The following DNAH1 variants were observed in gnomAD, a reference collection of about 807,000 sequenced individuals.
DNAH1 encodes the protein dynein axonemal heavy chain 1.
Under a neutral mutation model 484.3 loss-of-function variants are expected in DNAH1, and 327 were observed. The ratio of observed to expected loss-of-function variants is 0.68; its 90% CI spans 0.62 to 0.74. The LOEUF (loss-of-function observed/expected upper bound fraction) is 0.74. Ranked by LOEUF, DNAH1 falls within the 30% of genes least tolerant of loss-of-function variation. The probability of loss-of-function intolerance (pLI) is 0.00; values close to 1 mark genes in which losing one functional copy is unlikely to be tolerated. For synonymous variants in DNAH1, 2,192 were observed against 2,191.9 expected, an observed-to-expected ratio of 1.00 and a Z score of 0.00; for missense variants, 5,052 against 5,546.8, an observed-to-expected ratio of 0.91 and a Z score of 2.83.
At chr3:52,328,063 G>A (rs932319521) in intron 6 of DNAH1, 49 bp downstream of exon 6, 5 of 1,595,846 alleles carry the variant, frequency 3.1e-6, no homozygotes, top group Non-Finnish European at 4.3e-6. Context: ...TCCAGTAGCA[G>A]CCCTGTCACA....
intron 56 of DNAH1, 139 bp downstream of exon 56, chr3:52,386,992 T>C: frequency 1.1e-6 from 1 of 929,280 alleles, no homozygotes; most frequent in South Asian, 1.8e-5. Context: ...TCTGTCCACC[T>C]CCACACCACC....
At position 52,395,489 on chromosome 3, in the gene DNAH1, G is replaced by A; in HGVS notation, c.11127+23G>A. 3.7e-6 allele frequency: 6 copies of A among 1,613,726 alleles called. No individual in the cohort carries two copies. The highest frequency in any genetic ancestry group is 5.1e-6 in the Non-Finnish European group (6 of 1,179,814). Reference sequence around the variant, plus strand: ...CAGGTCAGGGCTAGGCAGGGAGGAAGGGAGTGGGCTGGGGGGTGGGCAAGC... The same window carrying A: ...CAGGTCAGGGCTAGGCAGGGAGGAAAGGAGTGGGCTGGGGGGTGGGCAAGC... On this transcript the variant is annotated intron_variant, in intron 69 of 77. Coordinates refer to ENST00000420323, the MANE Select transcript of DNAH1 (RefSeq NM_015512.5). This position sits in a 1 kb window ranked among gnomAD's most constrained non-coding sequence, Gnocchi z 4.4.
rs181041944 is a variant in DNAH1 at position 52,347,810 on chromosome 3, G to A, written c.1956-14G>A. 4.5e-4 allele frequency: 706 copies of A among 1,564,800 alleles called. 7 individuals carry two copies. In the South Asian group the frequency reaches 5.3e-3, roughly 12 times the overall value. On this transcript the variant is annotated splice_polypyrimidine_tract_variant and intron_variant, in intron 11 of 77. Coordinates refer to ENST00000420323, the MANE Select transcript of DNAH1 (RefSeq NM_015512.5). ...CTAGGCCTCTGCCCACAGTCAGCTCGCCATTGCCTGCAGGCCCCGGAAGAA... is the reference window on the plus strand; with the variant it reads ...CTAGGCCTCTGCCCACAGTCAGCTCACCATTGCCTGCAGGCCCCGGAAGAA...
intron 73 of DNAH1, 102 bp downstream of exon 73, chr3:52,397,146 C>A: frequency 1.8e-6 from 2 of 1,081,942 alleles, no homozygotes; most frequent in Non-Finnish European, 1.3e-6. Flanking sequence ...GCAGCCCCCA[C>A]CCTCCATCAG....
chr3:52,384,742 CT>C (rs1704020898), intron 52 of DNAH1, 43 bp from the exon 53 acceptor site: 1 of 1,519,416 alleles, frequency 6.6e-7, no homozygotes, highest in South Asian at 1.3e-5. Context: ...CCTGTCTTTC[CT>C]GGGGCCTCTA....
At chr3:52,335,115 T>TC (rs548621009) in intron 8 of DNAH1, among the ~76,000 whole-genome samples, 111 of 148,998 alleles carry the variant, frequency 7.4e-4, no homozygotes, top group African/African-American at 2.7e-3. Context: ...TGTGTGATTT[T>TC]TTTTTTTGCT....
At chr3:52,344,087 G>T (rs907488414) in intron 8 of DNAH1, among the ~76,000 whole-genome samples, 18 of 152,334 alleles carry the variant, frequency 1.2e-4, no homozygotes, top group African/African-American at 3.6e-4. Flanking sequence ...AAGCAAAGGA[G>T]CTCAGTGGCA....
At position 52,356,561 on chromosome 3, in the gene DNAH1, G is replaced by C. The variant is rs185435418; in HGVS notation, c.3694-53G>C. 6.3e-6 allele frequency: 10 copies of C among 1,587,656 alleles called. No individual in the cohort carries two copies. The East Asian group carries it at 2.3e-4, about 36-fold the overall frequency. On this transcript the variant is annotated intron_variant, in intron 21 of 77. Coordinates refer to ENST00000420323, the MANE Select transcript of DNAH1 (RefSeq NM_015512.5). Reference sequence around the variant, plus strand: ...GTCCCAGTCATTGGGACAAACCCCAGCTTGGACCCTGACAGTCCATATCAC... The same window carrying C: ...GTCCCAGTCATTGGGACAAACCCCACCTTGGACCCTGACAGTCCATATCAC...
chr3:52,377,069 A>T lies in DNAH1; in HGVS notation c.7198+1076A>T, dbSNP rs551310142. 1.4e-4 allele frequency among the ~76,000 whole-genome samples: 22 copies of T among 151,794 alleles called. No homozygotes were observed. The South Asian group carries it at 4.6e-3, about 32-fold the overall frequency. On this transcript the variant is annotated intron_variant, in intron 46 of 77. Transcript: ENST00000420323. The stretch of plus-strand genomic sequence containing the variant: ...TCCCATCCCGCCTCTGACGGGGAAA[A>T]CCATCTTTGTGCTGGCAACTCCCAA...
Position 52,366,453 on chromosome 3 carries a change from C to A in DNAH1, c.5519-4C>A. The A allele has an allele frequency of 6.3e-7, 1 of 1,587,916 alleles. No individual in the cohort carries two copies. The highest frequency in any genetic ancestry group is 1.2e-5 in the South Asian group (1 of 86,436). ...ACCCTTGGGCCCCATGCCATGTCCC[C>A]CAGGCTTCCTGACAAAGTGCATCCA... On this transcript the variant is annotated splice_region_variant and splice_polypyrimidine_tract_variant and intron_variant, in intron 34 of 77. Transcript: ENST00000420323.
Position 52,362,444 on chromosome 3 carries a change from GT to G in DNAH1, c.5040del (p.Phe1680LeufsTer4), listed in dbSNP as rs1446297876. 2 of 1,614,048 alleles carry G rather than the reference GT, an allele frequency of 1.2e-6. No individual in the cohort carries two copies. Among genetic ancestry groups the G allele is most frequent in the South Asian group, 2.2e-5 (2 of 91,082 alleles). On this transcript the variant is annotated frameshift_variant, in exon 31 of 78. Coordinates refer to ENST00000420323, the MANE Select transcript of DNAH1 (RefSeq NM_015512.5). LOFTEE classifies it high-confidence loss of function. This position sits in a 1 kb window ranked among gnomAD's most constrained non-coding sequence, Gnocchi z 5.1. ...TCCCACTGGTGCCATCCTGCGCAGT[GT>G]TTATCACCATGAACCCGGGCTACGC... ...EIPLVPSCAV[F>X]ITMNPGYAGR...
At chr3:52,335,950 T>A (rs899852275) in intron 8 of DNAH1, among the ~76,000 whole-genome samples, 5 of 152,248 alleles carry the variant, frequency 3.3e-5, no homozygotes, top group Admixed American at 2.6e-4. Flanking sequence ...TCCCATTTTT[T>A]AAATAGAATT....
chr3:52,388,467 T>C lies in DNAH1; in HGVS notation c.9221T>C (p.Leu3074Pro). The C allele has an allele frequency of 4.3e-6, 7 of 1,612,916 alleles. No individual in the cohort carries two copies. Among genetic ancestry groups the C allele is most frequent in the Non-Finnish European group, 5.9e-6 (7 of 1,179,488 alleles). The change falls in exon 58 of 78, where the codon CTG becomes CCG. Residue 3074 changes from leucine to proline, a missense_variant. This residue lies in a region of DNAH1 where 2,929 missense variants were observed against 3,409.4 expected (regional missense o/e 0.86). Coordinates refer to ENST00000420323, the MANE Select transcript of DNAH1 (RefSeq NM_015512.5). ...GACCTGGGGGTGACACAGAGGATCC[T>C]GGATGAGGCAAAACAGCGCCTTCGT... ...QDDLGVTQRI[L>P]DEAKQRLREV... is the part of the protein sequence containing the mutation.
intron 28 of DNAH1, 78 bp downstream of exon 28, chr3:52,360,502 T>A: frequency 8.1e-7 from 1 of 1,228,746 alleles, no homozygotes; most frequent in Non-Finnish European, 1.2e-6. Context: ...CCAGGGACCA[T>A]GGCCACTCTG....
chr3:52,321,046 C>T (rs577590920), intron 1 of DNAH1, among the ~76,000 whole-genome samples: 1 of 151,962 alleles, frequency 6.6e-6, no homozygotes, highest in African/African-American at 2.4e-5. Flanking sequence ...GTGATCCACC[C>T]ACGTCAGCCT....
In DNAH1 at chr3:52,396,468, G is replaced by A. The variant is rs370624357; in HGVS notation, c.11360G>A (p.Arg3787His). Residue 3787 changes from arginine to histidine, a missense_variant, in exon 71 of 78, where the codon CGC becomes CAC. Around this residue, in one of 4 missense-constraint regions of DNAH1, gnomAD observed 853 missense variants for 899.0 expected, o/e 0.95. Transcript: ENST00000420323. ...NGSKMTIEPP[R>H]GVRANLLKSY... is the part of the protein sequence containing the mutation. Reference sequence around the variant, plus strand: ...TCCAAGATGACCATTGAGCCGCCACGCGGTGTCAGGGCCAACCTGCTGAAG... The same window carrying A: ...TCCAAGATGACCATTGAGCCGCCACACGGTGTCAGGGCCAACCTGCTGAAG... 5.0e-5 allele frequency: 80 copies of A among 1,602,478 alleles called. No homozygotes were observed. In the African/African-American group the frequency reaches 8.0e-4, roughly 16 times the overall value.
At chr3:52,338,480 A>G (rs1463914638) in intron 8 of DNAH1, among the ~76,000 whole-genome samples, 1 of 152,218 alleles carries the variant, frequency 6.6e-6, no homozygotes, top group Non-Finnish European at 1.5e-5. Context: ...TTAGTCTTCA[A>G]CTTACAATAA....
In DNAH1 at chr3:52,395,061, C is replaced by A; in HGVS notation, c.10968+2C>A. 6.2e-7 allele frequency: 1 copy of A among 1,606,632 alleles called. No homozygotes were observed. The highest frequency in any genetic ancestry group is 8.5e-7 in the Non-Finnish European group (1 of 1,176,558). Reference sequence around the variant, plus strand: ...GAGCCACGCTTCATTGAACCCCAGGCAAGTGCTGGAACCCTGGCAGGACTG... The same window carrying A: ...GAGCCACGCTTCATTGAACCCCAGGAAAGTGCTGGAACCCTGGCAGGACTG... On this transcript the variant is annotated splice_donor_variant, in intron 68 of 77. Transcript: ENST00000420323. LOFTEE classifies it high-confidence loss of function. The surrounding 1 kb of genome is among the most constrained non-coding windows in gnomAD (Gnocchi z 4.4).
At position 52,357,720 on chromosome 3, in the gene DNAH1, G is replaced by A. The variant is rs958793538; in HGVS notation, c.3965G>A (p.Arg1322Lys). Residue 1322 changes from arginine (R) to lysine (K), a missense_variant, in exon 23 of 78, where the codon AGG becomes AAG. Arg to Lys is a conservative substitution (Grantham distance 26, BLOSUM62 2). Around this residue, in one of 4 missense-constraint regions of DNAH1, gnomAD observed 2,929 missense variants for 3,409.4 expected, o/e 0.86. Transcript: ENST00000420323. ...KGLSEYLETK[R>K]SAFPRFYFLS... Reference sequence around the variant, plus strand: ...CTCAGCGAGTATCTGGAGACCAAGAGGAGCGCCTTCCCCAGGTGGGCGCCA... The same window carrying A: ...CTCAGCGAGTATCTGGAGACCAAGAAGAGCGCCTTCCCCAGGTGGGCGCCA... The A allele has an allele frequency of 4.4e-6, 7 of 1,579,710 alleles. No individual in the cohort carries two copies. Among genetic ancestry groups the A allele is most frequent in the African/African-American group, 1.3e-5 (1 of 74,098 alleles).
Sources: allele counts gnomAD v4.1 joint callset (sites outside exome capture counted in the v4.1 genomes callset), GRCh38; gene constraint gnomAD v4.1.1; regional missense constraint gnomAD v4.1.1; non-coding constraint Gnocchi (gnomAD v3.1); transcripts MANE v1.5; gene names NCBI Gene and HGNC (gene_info 2026-07-23, HGNC 2026-07-21).